Variants in ABI2 observed in about 807,000 individuals in gnomAD.
The protein encoded by ABI2 is abelson interactor 2.
ABI2 carries 25 observed loss-of-function variants against 59.2 expected under a neutral mutation model. The observed-to-expected ratio is 0.42, with a 90% CI of 0.31 to 0.59. The LOEUF is 0.59. Among genes scored for constraint, ABI2 ranks in the 20% least tolerant of loss-of-function variants. The pLI is 0.14. For missense variants in ABI2, 545 were observed against 681.8 expected, an observed-to-expected ratio of 0.80 and a Z score of 2.23; for synonymous variants, 213 against 235.5, an observed-to-expected ratio of 0.90 and a Z score of 0.87.
chr2:203,414,668 T>G (rs1347932771), intron 10 of ABI2, among the ~76,000 whole-genome samples: 1 of 152,244 alleles, frequency 6.6e-6, no homozygotes, highest in African/African-American at 2.4e-5. Flanking sequence ...CCAGCCATAT[T>G]AGTTAATGTT....
rs571188177 is a variant in ABI2 at position 203,396,962 on chromosome 2, C to T, written c.1028C>T (p.Pro343Leu). ...CCCCCTGTTGTTTCTTCCACTCCCCCTACAGGTAAGTATTTGCTTATTCAT... is the reference window on the plus strand; with the variant it reads ...CCCCCTGTTGTTTCTTCCACTCCCCTTACAGGTAAGTATTTGCTTATTCAT... ...PTPPVVSSTP[P>L]TGHPVQFYSM... Residue 343 changes from proline (P) to leucine (L), a missense_variant, in exon 8 of 12, where the codon CCT (proline) becomes CTT (leucine). This residue lies in a region of ABI2 where 410 missense variants were observed against 435.6 expected (regional missense o/e 0.94). Transcript: ENST00000261018. The T allele has an allele frequency of 6.0e-6, 9 of 1,497,786 alleles. No individual in the cohort carries two copies. Among genetic ancestry groups the T allele is most frequent in the Non-Finnish European group, 8.0e-6 (9 of 1,129,078 alleles). 92.8% of individuals were successfully genotyped at this position (1,497,786 alleles called of 1,614,324 possible). A position where few individuals can be genotyped will look rare whatever the true frequency, so the allele number is the denominator to read the frequency against.
At chr2:203,332,112 CT>C (rs1034060270) in intron 1 of ABI2, among the ~76,000 whole-genome samples, 7 of 151,884 alleles carry the variant, frequency 4.6e-5, no homozygotes, top group African/African-American at 1.7e-4. Flanking sequence ...GCCTGGCCCC[CT>C]AAGAGTCATT....
chr2:203,344,526 C>T (rs745596160), intron 1 of ABI2, among the ~76,000 whole-genome samples: 24 of 150,234 alleles, frequency 1.6e-4, no homozygotes, highest in East Asian at 3.9e-4. Context: ...CCGCCACACC[C>T]GGCTAATTTT....
At chr2:203,371,555 A>T (rs938381169) in intron 2 of ABI2, among the ~76,000 whole-genome samples, 2 of 152,208 alleles carry the variant, frequency 1.3e-5, no homozygotes, top group Non-Finnish European at 2.9e-5. Flanking sequence ...TAGGGCTGGT[A>T]AATTTTAAAG....
At position 203,376,057 on chromosome 2, in the gene ABI2, G is replaced by C. The variant is rs527436964; in HGVS notation, c.286-4151G>C. 17 of 1,531,896 alleles carry C rather than the reference G, an allele frequency of 1.1e-5. No homozygotes were observed. The East Asian group carries it at 3.4e-4, about 31-fold the overall frequency. The allele number at this position is 1,531,896 out of a possible 1,614,324, so 94.9% of individuals were successfully genotyped here. ...ATTTACTTAAAATATCTATACTTAG[G>C]CAAATTAGAGGCGTTGATCTTGAGT... On this transcript the variant is annotated intron_variant, in intron 2 of 11. Coordinates refer to ENST00000261018, the MANE Select transcript of ABI2 (RefSeq NM_001375670.1).
At chr2:203,423,793 A>G (rs987747524) in intron 11 of ABI2, among the ~76,000 whole-genome samples, 3 of 152,232 alleles carry the variant, frequency 2.0e-5, no homozygotes, top group Admixed American at 2.0e-4. Context: ...CATACTTCAT[A>G]TAAAATTATA....
chr2:203,408,834 T>TTTTTTTTTTTTC (rs2097540174), intron 9 of ABI2, among the ~76,000 whole-genome samples: 1 of 38,870 alleles, frequency 2.6e-5, no homozygotes, highest in African/African-American at 6.2e-5. Flanking sequence ...TTCTCCTTTC[T>TTTTTTTTTTTTC]TTTTTTTTTT....
At position 203,427,487 on chromosome 2, in the gene ABI2, A is replaced by G; in HGVS notation, c.*135A>G. On this transcript the variant is annotated 3_prime_UTR_variant, in exon 12 of 12. Coordinates refer to ENST00000261018, the MANE Select transcript of ABI2 (RefSeq NM_001375670.1). Reference sequence around the variant, plus strand: ...AAAATTACACTTTTTTTTTTGGTTTATTCCCCAGTATTAAAAACAAAGCAA... The same window carrying G: ...AAAATTACACTTTTTTTTTTGGTTTGTTCCCCAGTATTAAAAACAAAGCAA... The G allele has an allele frequency of 2.6e-6, 2 of 763,762 alleles. No individual in the cohort carries two copies. Among genetic ancestry groups the G allele is most frequent in the South Asian group, 2.3e-5 (1 of 42,972 alleles). The allele number at this position is 763,762 out of a possible 1,614,324, so 47.3% of individuals were successfully genotyped here.
intron 1 of ABI2, among the ~76,000 whole-genome samples, chr2:203,333,893 A>G (rs1262303050): frequency 1.3e-5 from 2 of 151,924 alleles, no homozygotes; most frequent in Non-Finnish European, 2.9e-5. Context: ...TCTTTACCAA[A>G]ATAATTAATT....
Position 203,343,972 on chromosome 2 carries a change from A to C in ABI2, c.117+15341A>C, listed in dbSNP as rs974346456. Among the ~76,000 whole-genome samples the C allele has an allele frequency of 6.6e-5, 10 of 152,082 alleles. 1 individual carries two copies. The highest frequency in any genetic ancestry group is 2.9e-5 in the Non-Finnish European group (2 of 68,012). Reference sequence around the variant, plus strand: ...AGACGAGAGAGACCCCGTCTCTACAAAAATTACAGAAATTAGCTGGATATA... The same window carrying C: ...AGACGAGAGAGACCCCGTCTCTACACAAATTACAGAAATTAGCTGGATATA... On this transcript the variant is annotated intron_variant, in intron 1 of 11. Transcript: ENST00000261018.
chr2:203,406,907 G>C (rs2097450200), intron 9 of ABI2, among the ~76,000 whole-genome samples: 1 of 152,090 alleles, frequency 6.6e-6, no homozygotes, highest in Non-Finnish European at 1.5e-5. Context: ...AAGTGATCCA[G>C]TTCCATCTGG....
In ABI2 at chr2:203,396,918, T is replaced by A; in HGVS notation, c.984T>A (p.Asp328Glu). Reference sequence around the variant, plus strand: ...CTGGGGGTGCCCAGACCCTTGCTGATGGCTTCACTTCTCCAACTCCCCCTG... The same window carrying A: ...CTGGGGGTGCCCAGACCCTTGCTGAAGGCTTCACTTCTCCAACTCCCCCTG... ...AAAGGAQTLADGFTSPTPPVV... is the reference protein window; with the variant it reads ...AAAGGAQTLAEGFTSPTPPVV... The change falls in exon 8 of 12, where the codon GAT becomes GAA. Residue 328 changes from aspartate (D) to glutamate (E), a missense_variant. This residue lies in a region of ABI2 where 410 missense variants were observed against 435.6 expected (regional missense o/e 0.94). Transcript: ENST00000261018. 2.0e-6 allele frequency: 3 copies of A among 1,526,006 alleles called. No individual in the cohort carries two copies. Among genetic ancestry groups the A allele is most frequent in the Non-Finnish European group, 2.6e-6 (3 of 1,143,122 alleles). The allele number at this position is 1,526,006 out of a possible 1,614,324, so 94.5% of individuals were successfully genotyped here.
intron 10 of ABI2, 105 bp from the exon 11 acceptor site, chr2:203,416,803 T>C: frequency 8.2e-7 from 1 of 1,212,144 alleles, no homozygotes; most frequent in Non-Finnish European, 1.1e-6. Context: ...AATATTACAT[T>C]TATTTTCAAG....
In ABI2 at chr2:203,328,455, C is replaced by A; in HGVS notation, c.-60C>A. 2 of 1,392,528 alleles carry A rather than the reference C, an allele frequency of 1.4e-6. No individual in the cohort carries two copies. Among genetic ancestry groups the A allele is most frequent in the Non-Finnish European group, 2.0e-6 (2 of 1,011,134 alleles). The allele number at this position is 1,392,528 out of a possible 1,614,324, so 86.3% of individuals were successfully genotyped here. On this transcript the variant is annotated 5_prime_UTR_variant, in exon 1 of 12. Transcript: ENST00000261018. ...CTCTCCCGGTCCTGGGTTTCCTTGGCGCTGCGGCCGCCGCTCCCTCTGCGA... is the reference window on the plus strand; with the variant it reads ...CTCTCCCGGTCCTGGGTTTCCTTGGAGCTGCGGCCGCCGCTCCCTCTGCGA...
At chr2:203,335,523 A>G (rs920998118) in intron 1 of ABI2, among the ~76,000 whole-genome samples, 1 of 152,236 alleles carries the variant, frequency 6.6e-6, no homozygotes, top group African/African-American at 2.4e-5. Flanking sequence ...TTGGCTTCCC[A>G]AAGTGCTGGG....
chr2:203,376,946 T>C (rs1440139941), intron 2 of ABI2, among the ~76,000 whole-genome samples: 1 of 152,244 alleles, frequency 6.6e-6, no homozygotes, highest in East Asian at 1.9e-4. Context: ...GTGCTTGTTA[T>C]AAAATATTAC....
At chr2:203,399,442 C>T (rs2097133780) in intron 8 of ABI2, among the ~76,000 whole-genome samples, 1 of 151,532 alleles carries the variant, frequency 6.6e-6, no homozygotes, top group Non-Finnish European at 1.5e-5. Context: ...AAATATATGT[C>T]CTTTATAGAT....
chr2:203,400,892 A>C (rs966832494), intron 8 of ABI2, among the ~76,000 whole-genome samples: 2 of 152,222 alleles, frequency 1.3e-5, no homozygotes, highest in African/African-American at 4.8e-5. Context: ...CTCAGCTGAG[A>C]AATATGAAGC....
At chr2:203,379,080 A>C (rs1390006290) in intron 2 of ABI2, among the ~76,000 whole-genome samples, 1 of 152,150 alleles carries the variant, frequency 6.6e-6, no homozygotes, top group South Asian at 2.1e-4. Context: ...GGAGAAATTC[A>C]CCCTCTGTTA....
Sources: gnomAD v4.1 joint callset for allele counts (sites outside exome capture counted in the v4.1 genomes callset) on GRCh38, gnomAD v4.1.1 for gene constraint, gnomAD v4.1.1 regional missense constraint, MANE v1.5 for transcripts, NCBI Gene and HGNC (gene_info 2026-07-23, HGNC 2026-07-21) for gene names.